The following LRRC61 variants were observed in gnomAD, a reference collection of about 807,000 sequenced individuals.
LRRC61 encodes leucine rich repeat containing 61, also known as leucine-rich repeat-containing protein 61.
LRRC61 carries 9 observed loss-of-function variants against 15.1 expected under a neutral mutation model. That is an observed-to-expected ratio of 0.60 (90% CI 0.36 to 1.04). The LOEUF is 1.04. LRRC61 is among the 50% of genes least tolerant of loss of function. The pLI is 0.01. For missense variants in LRRC61, 344 were observed against 335.6 expected (o/e 1.03, Z -0.20); for synonymous variants, 173 against 158.6 (o/e 1.09, Z -0.68).
chr7:150,329,425 A>T (rs1798037158), intron 2 of LRRC61, among the ~76,000 whole-genome samples: 1 of 152,224 alleles, frequency 6.6e-6, no homozygotes, highest in Non-Finnish European at 1.5e-5. Context: ...AATCAGTCCC[A>T]TCGCACTGGC....
chr7:150,321,048 T>C (rs1797458086), upstream of LRRC61, among the ~76,000 whole-genome samples: 1 of 152,192 alleles, frequency 6.6e-6, no homozygotes, highest in African/African-American at 2.4e-5. Flanking sequence ...CTTAACTCAC[T>C]TAGTTCAGTT....
intron 2 of LRRC61, chr7:150,331,227 C>A: frequency 3.7e-6 from 4 of 1,067,302 alleles, no homozygotes; most frequent in Non-Finnish European, 5.4e-6. Context: ...AGCAGTTCCC[C>A]AACTACACCC....
At position 150,335,462 on chromosome 7, in the gene LRRC61, G is replaced by T. The variant is rs1798258543; in HGVS notation, c.-144-1256G>T. 6.6e-6 allele frequency among the ~76,000 whole-genome samples: 1 copy of T among 152,232 alleles called. No individual in the cohort carries two copies. On this transcript the variant is annotated intron_variant, in intron 2 of 2. Transcript: ENST00000359623. The surrounding 1 kb of genome is among the most constrained non-coding windows in gnomAD (Gnocchi z 4.3). ...ACAAGGACTCCCCTTTCCAGATGGG[G>T]TGTAGAGGACATAAGGATGGCAAGA...
chr7:150,326,511 C>T (rs1467393595), intron 2 of LRRC61, among the ~76,000 whole-genome samples: 2 of 151,714 alleles, frequency 1.3e-5, no homozygotes, highest in Non-Finnish European at 2.9e-5. Context: ...GGTGAAATCC[C>T]GTCTCTACAG....
chr7:150,337,974 T>G lies in LRRC61; in HGVS notation c.*333T>G, dbSNP rs960852423. 4.6e-6 allele frequency: 2 copies of G among 430,336 alleles called. No homozygotes were observed. The highest frequency in any genetic ancestry group is 8.8e-6 in the Non-Finnish European group (2 of 227,168). The allele number at this position is 430,336 out of a possible 1,614,324, so 26.7% of individuals were successfully genotyped here. A position where few individuals can be genotyped will look rare whatever the true frequency, so the allele number is the denominator to read the frequency against. On this transcript the variant is annotated 3_prime_UTR_variant, in exon 3 of 3. Transcript: ENST00000359623. ...CGAGAAAGGTAGGGATGGGCCAGCC[T>G]CCCGTCTCAGCTGTTGGGAGACAGT...
chr7:150,330,389 C>T lies in LRRC61; in HGVS notation c.-145+4379C>T. The T allele has an allele frequency of 1.3e-6, 1 of 766,426 alleles. No homozygotes were observed. Among genetic ancestry groups the T allele is most frequent in the South Asian group, 1.3e-5 (1 of 74,500 alleles). 47.5% of individuals were successfully genotyped at this position (766,426 alleles called of 1,614,324 possible). A position where few individuals can be genotyped will look rare whatever the true frequency, so the allele number is the denominator to read the frequency against. On this transcript the variant is annotated intron_variant, in intron 2 of 2. Transcript: ENST00000359623. The surrounding 1 kb of genome is among the most constrained non-coding windows in gnomAD (Gnocchi z 4.6). ...GCCCGGCAGACAGCCTCAGCAAGCT[C>T]CTGTAGCCCTTCCAGATGGTGGTCC...
chr7:150,337,558 C>G lies in LRRC61; in HGVS notation c.697C>G (p.Leu233Val). The G allele has an allele frequency of 1.5e-5, 24 of 1,596,008 alleles. No individual in the cohort carries two copies. The highest frequency in any genetic ancestry group is 2.0e-5 in the Non-Finnish European group (23 of 1,171,392). Residue 233 changes from leucine to valine, a missense_variant, in exon 3 of 3, where the codon CTG becomes GTG. By Grantham distance (32) the Leu-to-Val change is conservative. Coordinates refer to ENST00000359623, the MANE Select transcript of LRRC61 (RefSeq NM_001142928.2). ...FQDTLQECWDLDRQASDSLAQ... is the reference protein window; with the variant it reads ...FQDTLQECWDVDRQASDSLAQ... ...GGACACACTGCAGGAGTGCTGGGAC[C>G]TGGACCGCCAGGCCAGCGACAGCCT...
Position 150,337,202 on chromosome 7 carries a change from A to C in LRRC61, c.341A>C (p.Gln114Pro). 1 of 1,606,434 alleles carries C rather than the reference A, an allele frequency of 6.2e-7. No individual in the cohort carries two copies. Among genetic ancestry groups the C allele is most frequent in the Non-Finnish European group, 8.5e-7 (1 of 1,179,864 alleles). Residue 114 changes from glutamine (Q) to proline (P), a missense_variant, in exon 3 of 3, where the codon CAG becomes CCG. Coordinates refer to ENST00000359623, the MANE Select transcript of LRRC61 (RefSeq NM_001142928.2). ...AAGNLLATPG[Q>P]LQCLAGLPCL... ...GGCAACCTACTGGCCACCCCGGGCC[A>C]GCTGCAGTGTCTGGCTGGGCTACCG...
Position 150,336,767 on chromosome 7 carries a change from G to A in LRRC61, c.-95G>A. On this transcript the variant is annotated 5_prime_UTR_variant, in exon 3 of 3. Coordinates refer to ENST00000359623, the MANE Select transcript of LRRC61 (RefSeq NM_001142928.2). ...ATCGGAACCAGGCCTCCTGGCACTG[G>A]CCTGGGTAGAGCCAGGGCGAGCACC... 1.3e-6 allele frequency: 2 copies of A among 1,502,568 alleles called. No individual in the cohort carries two copies. Among genetic ancestry groups the A allele is most frequent in the East Asian group, 2.3e-5 (1 of 44,062 alleles). 93.1% of individuals were successfully genotyped at this position (1,502,568 alleles called of 1,614,324 possible).
the LRRC61 span, among the ~76,000 whole-genome samples, chr7:150,310,473 G>T: frequency 2.8e-5 from 4 of 145,218 alleles, no homozygotes; most frequent in South Asian, 8.3e-4. Flanking sequence ...AAGTCCTACA[G>T]GCTAGTTCAA....
the LRRC61 span, among the ~76,000 whole-genome samples, chr7:150,312,975 A>T: frequency 6.6e-6 from 1 of 152,130 alleles, no homozygotes; most frequent in East Asian, 1.9e-4. Flanking sequence ...CAACCTTATG[A>T]CATTCCACCA....
rs747748116 is a variant in LRRC61 at position 150,336,857 on chromosome 7, A to G, written c.-5A>G. On this transcript the variant is annotated 5_prime_UTR_variant, in exon 3 of 3. Transcript: ENST00000359623. ...GCCCAGGCCATCCCAACCGACTTCC[A>G]TCTCATGGACCCTCCAGCGGAGAAG... 6.2e-7 allele frequency: 1 copy of G among 1,601,722 alleles called. No individual in the cohort carries two copies. The highest frequency in any genetic ancestry group is 8.5e-7 in the Non-Finnish European group (1 of 1,172,088).
intron 2 of LRRC61, chr7:150,331,095 C>T: frequency 6.2e-7 from 1 of 1,612,220 alleles, no homozygotes; most frequent in Non-Finnish European, 8.5e-7. Context: ...CTGTCTTACC[C>T]CCCACAGGAG....
At chr7:150,319,831 T>G (rs1425582395), upstream of LRRC61, among the ~76,000 whole-genome samples, 1 of 152,184 alleles carries the variant, frequency 6.6e-6, no homozygotes, top group Non-Finnish European at 1.5e-5. Context: ...ACAGGGATGC[T>G]GTATCTGGAA....
At chr7:150,317,069 CTTCA>C in the LRRC61 span, among the ~76,000 whole-genome samples, 1 of 131,308 alleles carries the variant, frequency 7.6e-6, no homozygotes, top group South Asian at 2.4e-4. Context: ...TCCTTCTTTC[CTTCA>C]TTTATTTATT....
At chr7:150,313,797 TGACA>T in the LRRC61 span, among the ~76,000 whole-genome samples, 3 of 152,148 alleles carry the variant, frequency 2.0e-5, no homozygotes, top group African/African-American at 7.2e-5. Context: ...CTGGGTACTT[TGACA>T]GACACTGGAA....
intron 2 of LRRC61, among the ~76,000 whole-genome samples, chr7:150,334,977 G>A (rs1033572964): frequency 2.0e-5 from 3 of 150,608 alleles, no homozygotes; most frequent in African/African-American, 4.9e-5. Context: ...AGCCGAGATC[G>A]CGCCATTGTG....
upstream of LRRC61, among the ~76,000 whole-genome samples, chr7:150,320,157 G>A (rs1433012257): frequency 6.6e-6 from 1 of 152,206 alleles, no homozygotes; most frequent in African/African-American, 2.4e-5. Flanking sequence ...AGACCCCAAG[G>A]GCAGGTTCTT....
At chr7:150,315,213 A>C in the LRRC61 span, among the ~76,000 whole-genome samples, 1 of 151,604 alleles carries the variant, frequency 6.6e-6, no homozygotes, top group Non-Finnish European at 1.5e-5. Flanking sequence ...ACAAAAAGCA[A>C]TGACTATAAA....
Sources: allele counts gnomAD v4.1 joint callset (sites outside exome capture counted in the v4.1 genomes callset), GRCh38; gene constraint gnomAD v4.1.1; non-coding constraint Gnocchi (gnomAD v3.1); transcripts MANE v1.5; gene names NCBI Gene and HGNC (gene_info 2026-07-23, HGNC 2026-07-21).